BANK1: variants seen among roughly 807,000 people sequenced by gnomAD.
BANK1 encodes B-cell scaffold protein with ankyrin repeats.
Under a neutral mutation model 94.5 loss-of-function variants are expected in BANK1, and 95 were observed. The ratio of observed to expected loss-of-function variants is 1.00; its 90% CI spans 0.85 to 1.19. The LOEUF (loss-of-function observed/expected upper bound fraction) is 1.19, where lower values mean the gene tolerates loss of function less well. Ranked by LOEUF, BANK1 falls within the 50% of genes most tolerant of loss-of-function variation. BANK1 has a pLI of 0.00. For missense variants in BANK1, 987 were observed against 932.2 expected (o/e 1.06, Z -0.77); for synonymous variants, 334 against 308.4 (o/e 1.08, Z -0.87).
At chr4:101,823,723 T>A (rs1015508221) in intron 1 of BANK1, among the ~76,000 whole-genome samples, 1 of 152,236 alleles carries the variant, frequency 6.6e-6, no homozygotes, top group Non-Finnish European at 1.5e-5. Context: ...GGTTGCTCTA[T>A]GAGACATAAA....
At chr4:102,011,504 ACCCTTCGCGCCT>A (rs1240919288) in intron 7 of BANK1, among the ~76,000 whole-genome samples, 1 of 152,164 alleles carries the variant, frequency 6.6e-6, no homozygotes, top group African/African-American at 2.4e-5. Flanking sequence ...GAATAGCAAC[ACCCTTCGCGCCT>A]TGGGTAGGGC....
intron 7 of BANK1, among the ~76,000 whole-genome samples, chr4:101,950,444 A>G (rs572534278): frequency 2.0e-5 from 3 of 152,276 alleles, no homozygotes; most frequent in South Asian, 4.1e-4. Context: ...AATTCTTGAG[A>G]ATGGAAATTA....
chr4:102,030,554 G>A (rs1235928430), intron 10 of BANK1, among the ~76,000 whole-genome samples: 1 of 151,738 alleles, frequency 6.6e-6, no homozygotes, highest in Non-Finnish European at 1.5e-5. Flanking sequence ...ACCTACATTG[G>A]GTATTTCTCC....
At chr4:101,877,739 G>A (rs1022129591) in intron 5 of BANK1, among the ~76,000 whole-genome samples, 15 of 152,044 alleles carry the variant, frequency 9.9e-5, no homozygotes, top group Admixed American at 2.0e-4. Context: ...ACAAAAATTA[G>A]CCAGGCATGG....
intron 3 of BANK1, among the ~76,000 whole-genome samples, chr4:101,856,873 A>G (rs1442269555): frequency 6.6e-6 from 1 of 152,200 alleles, no homozygotes; most frequent in Admixed American, 6.5e-5. Flanking sequence ...ATACAAAGTT[A>G]TTTTAGTGCC....
rs1226890968 is a variant in BANK1, at chr4:101,855,073, C to G, written c.508C>G (p.Leu170Val). Reference sequence around the variant, plus strand: ...CTTTGAGGTCAACATTCCAACAGACCTACGAGCAAAACATTCTGGGGAAAT... The same window carrying G: ...CTTTGAGGTCAACATTCCAACAGACGTACGAGCAAAACATTCTGGGGAAAT... ...DYFEVNIPTD[L>V]RAKHSGEISE... The change falls in exon 3 of 17, where the codon CTA becomes GTA. Residue 170 changes from leucine (L) to valine (V), a missense_variant. Leu to Val is a conservative substitution (Grantham distance 32). Coordinates refer to ENST00000322953, the MANE Select transcript of BANK1 (RefSeq NM_017935.5). 6.2e-7 allele frequency: 1 copy of G among 1,612,872 alleles called. No individual in the cohort carries two copies. Among genetic ancestry groups the G allele is most frequent in the Non-Finnish European group, 8.5e-7 (1 of 1,179,218 alleles).
intron 4 of BANK1, 117 bp from the exon 5 acceptor site, chr4:101,870,388 A>C: frequency 1.1e-5 from 10 of 878,510 alleles, no homozygotes; most frequent in Non-Finnish European, 1.6e-5. Flanking sequence ...TTTAAGTGCT[A>C]GAGATGAGTA....
intron 5 of BANK1, among the ~76,000 whole-genome samples, chr4:101,893,425 GA>G (rs1721948967): frequency 6.6e-6 from 1 of 151,914 alleles, no homozygotes; most frequent in Non-Finnish European, 1.5e-5. Context: ...AATGGCGATG[GA>G]GCTCCTCATG....
chr4:102,006,647 C>G (rs1258710968), intron 7 of BANK1, among the ~76,000 whole-genome samples: 3 of 151,938 alleles, frequency 2.0e-5, no homozygotes, highest in African/African-American at 7.2e-5. Context: ...TGTGAAATAG[C>G]TTTCTTTACC....
At chr4:101,910,628 A>T (rs1722632274) in intron 6 of BANK1, among the ~76,000 whole-genome samples, 1 of 139,996 alleles carries the variant, frequency 7.1e-6, no homozygotes, top group African/African-American at 2.6e-5. Context: ...CGGGAGGCAG[A>T]GGTTGCTGTG....
chr4:101,986,895 G>GTATATATATATATA (rs1253442320), intron 7 of BANK1, among the ~76,000 whole-genome samples: 3 of 64,680 alleles, frequency 4.6e-5, no homozygotes, highest in East Asian at 3.6e-4. Flanking sequence ...GTGTGTGTGT[G>GTATATATATATATA]TGTGTATATA....
At chr4:101,795,274 T>C (rs1725117488) in intron 1 of BANK1, among the ~76,000 whole-genome samples, 1 of 152,138 alleles carries the variant, frequency 6.6e-6, no homozygotes, top group Non-Finnish European at 1.5e-5. Flanking sequence ...AGTTGATAAG[T>C]AAGGGTGTCA....
chr4:101,829,197 G>A (rs1211130272), intron 1 of BANK1, among the ~76,000 whole-genome samples: 1 of 152,038 alleles, frequency 6.6e-6, no homozygotes, highest in Non-Finnish European at 1.5e-5. Context: ...GCTGGAGCCT[G>A]ATTGTTTCAC....
chr4:102,037,507 C>A (rs1468192304), intron 10 of BANK1, among the ~76,000 whole-genome samples: 1 of 152,108 alleles, frequency 6.6e-6, no homozygotes, highest in Non-Finnish European at 1.5e-5. Context: ...ACACGTGATT[C>A]TTTGTAATCT....
chr4:101,860,898 G>C (rs568945946), intron 3 of BANK1, among the ~76,000 whole-genome samples: 1 of 152,340 alleles, frequency 6.6e-6, no homozygotes, highest in East Asian at 1.9e-4. Flanking sequence ...TTAAAGCAGA[G>C]GATCTTGACT....
At chr4:101,939,676 A>C (rs1723679505) in intron 7 of BANK1, among the ~76,000 whole-genome samples, 1 of 151,670 alleles carries the variant, frequency 6.6e-6, no homozygotes, top group Non-Finnish European at 1.5e-5. Flanking sequence ...AGCTACAAGG[A>C]ATGAGAAATG....
In BANK1 at chr4:101,920,973, A is replaced by G. The variant is rs902302044; in HGVS notation, c.1206+2784A>G. Among the ~76,000 whole-genome samples, 4 of 151,862 alleles carry G rather than the reference A, an allele frequency of 2.6e-5. No individual in the cohort carries two copies. In the East Asian group the frequency reaches 5.8e-4, roughly 22 times the overall value. On this transcript the variant is annotated intron_variant, in intron 7 of 16. Transcript: ENST00000322953. The stretch of plus-strand genomic sequence containing the variant: ...ATGAGGAAGGAGGGGAGGAAGAGAA[A>G]GGAGAGAAGGAGGAGAGTAGGAGAA...
At chr4:101,871,552 A>G (rs1221434250) in intron 5 of BANK1, among the ~76,000 whole-genome samples, 1 of 152,130 alleles carries the variant, frequency 6.6e-6, no homozygotes, top group Non-Finnish European at 1.5e-5. Context: ...ATATTATATG[A>G]ACGACATATT....
Position 101,870,545 on chromosome 4 carries a change from T to A in BANK1, c.804T>A (p.Asp268Glu), listed in dbSNP as rs745900171. 1 of 1,612,864 alleles carries A rather than the reference T, an allele frequency of 6.2e-7. No homozygotes were observed. The highest frequency in any genetic ancestry group is 1.1e-5 in the South Asian group (1 of 91,016). Residue 268 changes from aspartate (D) to glutamate (E), a missense_variant, in exon 5 of 17, where the codon GAT (aspartate) becomes GAA (glutamate). Transcript: ENST00000322953. ...AGSVHVNVYC[D>E]GIVKATTKIK... The stretch of plus-strand genomic sequence containing the variant: ...CAGTCCATGTCAATGTCTACTGTGA[T>A]GGAATCGTTAAAGCTACAACCAAAA...
Sources: gnomAD v4.1 joint callset for allele counts (sites outside exome capture counted in the v4.1 genomes callset) on GRCh38, gnomAD v4.1.1 for gene constraint, MANE v1.5 for transcripts, NCBI Gene and HGNC (gene_info 2026-07-23, HGNC 2026-07-21) for gene names.